ADGRE2: variants seen among roughly 807,000 people sequenced by gnomAD.
The protein encoded by ADGRE2 is adhesion G protein-coupled receptor E2.
Under a neutral mutation model 100.8 loss-of-function variants are expected in ADGRE2, and 83 were observed. The ratio of observed to expected loss-of-function variants is 0.82; its 90% CI spans 0.69 to 0.99. The LOEUF is 0.99. ADGRE2 is among the 50% of genes least tolerant of loss of function. The pLI, the probability that ADGRE2 is intolerant of heterozygous loss-of-function variation, is 0.00. For synonymous variants in ADGRE2, 355 were observed against 413.0 expected (o/e 0.86, Z 1.70); for missense variants, 814 against 1,035.7 (o/e 0.79, Z 2.94).
At chr19:14,772,608 A>C in intron 4 of ADGRE2, 111 bp from the exon 5 acceptor site, 9 of 1,336,102 alleles carry the variant, frequency 6.7e-6, no homozygotes, top group Non-Finnish European at 1.0e-6. Flanking sequence ...ATCTTTTGGA[A>C]AGGATCTCAA....
rs372407984 is a variant in ADGRE2, at chr19:14,751,692, G to T, written c.1789-21C>A. ...AGCACCTGGCGGAGAAGTAAAAGACGCCCAGAGCGGCGATCAGATTTGAGT... is the reference window on the plus strand; with the variant it reads ...AGCACCTGGCGGAGAAGTAAAAGACTCCCAGAGCGGCGATCAGATTTGAGT... On this transcript the variant is annotated intron_variant, in intron 15 of 20. Coordinates refer to ENST00000315576, the MANE Select transcript of ADGRE2 (RefSeq NM_013447.4). The T allele has an allele frequency of 1.8e-5, 29 of 1,584,954 alleles. No homozygotes were observed. The African/African-American group carries it at 2.4e-4, about 13-fold the overall frequency.
At chr19:14,769,351 G>A (rs2044110169) in intron 5 of ADGRE2, among the ~76,000 whole-genome samples, 1 of 152,204 alleles carries the variant, frequency 6.6e-6, no homozygotes, top group Non-Finnish European at 1.5e-5. Flanking sequence ...ATAGCGACAG[G>A]TGACCAGGTG....
At chr19:14,759,504 T>TATA (rs1555786067) in intron 11 of ADGRE2, among the ~76,000 whole-genome samples, 6,711 of 70,828 alleles carry the variant, frequency 0.095, 207 homozygotes, top group Non-Finnish European at 0.12. Context: ...TATATATATA[T>TATA]TTTTTTTTTT....
chr19:14,770,660 CTTTCTTTTCTTT>C, intron 5 of ADGRE2, among the ~76,000 whole-genome samples: 1 of 26,016 alleles, frequency 3.8e-5, no homozygotes, highest in South Asian at 7.7e-4. Context: ...CTTTTTGTTT[CTTTCTTTTCTTT>C]TTTTTTTTTT....
At position 14,742,179 on chromosome 19, in the gene ADGRE2, C is replaced by T. The variant is rs186772551; in HGVS notation, c.2463+1241G>A. The T allele has an allele frequency of 2.1e-4, 85 of 397,962 alleles. No homozygotes were observed. In the South Asian group the frequency reaches 3.2e-3, roughly 15 times the overall value. The allele number at this position is 397,962 out of a possible 1,614,324, so 24.7% of individuals were successfully genotyped here. A position where few individuals can be genotyped will look rare whatever the true frequency, so the allele number is the denominator to read the frequency against. Reference sequence around the variant, plus strand: ...ATGTGAACCCTCTTAGGGCATCACCCGCTGATTCCCAGGTTGCCCAGTGTG... The same window carrying T: ...ATGTGAACCCTCTTAGGGCATCACCTGCTGATTCCCAGGTTGCCCAGTGTG... On this transcript the variant is annotated intron_variant, in intron 20 of 20. Transcript: ENST00000315576.
intron 11 of ADGRE2, among the ~76,000 whole-genome samples, chr19:14,759,824 T>C (rs2043649376): frequency 7.1e-6 from 1 of 141,454 alleles, no homozygotes. Context: ...GATTTTTTTT[T>C]TTTTTTTTTT....
chr19:14,726,251 C>T, the ADGRE2 span, among the ~76,000 whole-genome samples: 18 of 152,302 alleles, frequency 1.2e-4, no homozygotes, highest in Non-Finnish European at 1.6e-4. Flanking sequence ...CACAGGGCAG[C>T]GGGGCCCTGG....
At chr19:14,776,976 G>GCGCGCACACACACACACACA (rs71166800) in intron 1 of ADGRE2, 49 bp from the exon 2 acceptor site, 7 of 1,026,112 alleles carry the variant, frequency 6.8e-6, no homozygotes, top group East Asian at 9.1e-5. Context: ...CAGGGGCGCT[G>GCGCGCACACACACACACACA]CACACACACA....
At position 14,752,391 on chromosome 19, in the gene ADGRE2, A is replaced by C; in HGVS notation, c.1726T>G (p.Ser576Ala). ...NTSTSLHLQL[S>A]LCLFLAHLLF... ...AGGTGGGCCAGGAAGAGGCAGAGCGAGAGCTGCAGATGCAGTGAGGTGCTG... is the reference window on the plus strand; with the variant it reads ...AGGTGGGCCAGGAAGAGGCAGAGCGCGAGCTGCAGATGCAGTGAGGTGCTG... Residue 576 changes from serine (S) to alanine (A), a missense_variant, in exon 15 of 21, where the codon TCG becomes GCG. Ser to Ala is a moderately conservative substitution (Grantham distance 99, BLOSUM62 1). This residue lies in a region of ADGRE2 where 569 missense variants were observed against 692.7 expected (regional missense o/e 0.82). Transcript: ENST00000315576. 1 of 1,614,196 alleles carries C rather than the reference A, an allele frequency of 6.2e-7. No homozygotes were observed. The highest frequency in any genetic ancestry group is 8.5e-7 in the Non-Finnish European group (1 of 1,180,040).
chr19:14,759,831 T>TG (rs2043649480), intron 11 of ADGRE2, among the ~76,000 whole-genome samples: 1 of 145,098 alleles, frequency 6.9e-6, no homozygotes, highest in African/African-American at 2.6e-5. Flanking sequence ...TTTTTTTTTT[T>TG]TTTTTGAGAC....
intron 17 of ADGRE2, 21 bp from the exon 18 acceptor site, chr19:14,746,344 T>C: frequency 7.1e-7 from 1 of 1,414,162 alleles, no homozygotes; most frequent in Non-Finnish European, 9.9e-7. Flanking sequence ...CCACAGAAGA[T>C]TTGTTGAATA....
chr19:14,764,074 C>G (rs1241694706), intron 11 of ADGRE2, among the ~76,000 whole-genome samples: 1 of 151,326 alleles, frequency 6.6e-6, no homozygotes, highest in African/African-American at 2.4e-5. Context: ...TTCGTCTTCT[C>G]TTTTTTGAGA....
At chr19:14,776,496 G>C in intron 2 of ADGRE2, 1 of 577,288 alleles carries the variant, frequency 1.7e-6, no homozygotes, top group Non-Finnish European at 3.1e-6. Flanking sequence ...GATCCCTCCG[G>C]GCAGGGTAGC....
At chr19:14,774,691 TGAGACAGGG>T (rs2044366389) in intron 2 of ADGRE2, among the ~76,000 whole-genome samples, 19 of 139,688 alleles carry the variant, frequency 1.4e-4, no homozygotes, top group African/African-American at 3.2e-4. Flanking sequence ...TCTTTCTTTT[TGAGACAGGG>T]TCTTGCTCTG....
the ADGRE2 span, among the ~76,000 whole-genome samples, chr19:14,724,193 G>A: frequency 6.6e-6 from 1 of 152,194 alleles, no homozygotes. Flanking sequence ...CCTCTAGCAG[G>A]TCTGGGGACA....
chr19:14,724,515 C>T, the ADGRE2 span, among the ~76,000 whole-genome samples: 1 of 152,322 alleles, frequency 6.6e-6, no homozygotes, highest in South Asian at 2.1e-4. Flanking sequence ...CCTGTAATCC[C>T]AGCACTTTGG....
chr19:14,751,892 TACACAC>T (rs149318162), intron 15 of ADGRE2, among the ~76,000 whole-genome samples: 25 of 139,616 alleles, frequency 1.8e-4, no homozygotes, highest in Admixed American at 8.3e-4. Flanking sequence ...TATATACGTA[TACACAC>T]ACACACACAC....
At chr19:14,766,698 G>A (rs1303331022) in intron 6 of ADGRE2, among the ~76,000 whole-genome samples, 1 of 151,982 alleles carries the variant, frequency 6.6e-6, no homozygotes, top group Admixed American at 6.6e-5. Context: ...CCCCTTCTTA[G>A]AACTGGAAGT....
rs774185123 is a variant in ADGRE2 at position 14,752,386 on chromosome 19, G to A, written c.1731C>T (p.Leu577=). The A allele has an allele frequency of 6.2e-7, 1 of 1,614,202 alleles. No individual in the cohort carries two copies. The highest frequency in any genetic ancestry group is 1.1e-5 in the South Asian group (1 of 91,088). The change falls in exon 15 of 21, where the codon CTC becomes CTT. Residue 577 remains leucine (L), a synonymous_variant. Coordinates refer to ENST00000315576, the MANE Select transcript of ADGRE2 (RefSeq NM_013447.4). The stretch of plus-strand genomic sequence containing the variant: ...AGAGGAGGTGGGCCAGGAAGAGGCA[G>A]AGCGAGAGCTGCAGATGCAGTGAGG... ...TSTSLHLQLS[L]CLFLAHLLFL... is the part of the protein sequence containing the mutation.
Sources: allele counts gnomAD v4.1 joint callset (sites outside exome capture counted in the v4.1 genomes callset), GRCh38; gene constraint gnomAD v4.1.1; regional missense constraint gnomAD v4.1.1; transcripts MANE v1.5; gene names NCBI Gene and HGNC (gene_info 2026-07-23, HGNC 2026-07-21).